Variants in PGAM5 observed in about 807,000 individuals in gnomAD.
PGAM5 encodes the protein serine/threonine-protein phosphatase PGAM5, mitochondrial.
Under a neutral mutation model 30.6 loss-of-function variants are expected in PGAM5, and 25 were observed. That is an observed-to-expected ratio of 0.82 (90% CI 0.60 to 1.14). PGAM5 has a LOEUF of 1.14. PGAM5 is among the 50% of genes most tolerant of loss of function. PGAM5 has a pLI of 0.00. For synonymous variants in PGAM5, 201 were observed against 179.1 expected, an observed-to-expected ratio of 1.12 and a Z score of -0.98; for missense variants, 384 against 408.5, an observed-to-expected ratio of 0.94 and a Z score of 0.52.
At position 132,719,491 on chromosome 12, in the gene PGAM5, A is replaced by C. The variant is rs114288278; in HGVS notation, c.720-1187A>C. On this transcript the variant is annotated intron_variant, in intron 5 of 5. Transcript: ENST00000498926. ...TGGTGTGGCCTCAGGCTAAGTGAGT[A>C]CCTGTTTGCTGTGAGTCGTTCGTTG... Among the ~76,000 whole-genome samples the C allele has an allele frequency of 7.3e-3, 1,113 of 152,242 alleles. 17 individuals are homozygous for C. The highest frequency in any genetic ancestry group is 0.026 in the African/African-American group (1,066 of 41,540).
intron 5 of PGAM5, among the ~76,000 whole-genome samples, chr12:132,719,942 C>T (rs2043626150): frequency 6.6e-6 from 1 of 152,270 alleles, no homozygotes; most frequent in Admixed American, 6.5e-5. Flanking sequence ...ACCTGTTGCA[C>T]TAACTGGCTG....
chr12:132,716,698 A>G (rs4883607), intron 2 of PGAM5, among the ~76,000 whole-genome samples: 56,093 of 152,108 alleles, frequency 0.37, 12,363 homozygotes, highest in Non-Finnish European at 0.49. Context: ...AGAGAAGGAA[A>G]TGCAGGGTGG....
At chr12:132,715,144 C>G in intron 2 of PGAM5, 108 bp downstream of exon 2, 2 of 1,196,268 alleles carry the variant, frequency 1.7e-6, no homozygotes, top group Non-Finnish European at 1.1e-6. Flanking sequence ...CGCCGACCCC[C>G]TTGGTCAGCT....
chr12:132,715,426 C>G (rs529763985), intron 2 of PGAM5, among the ~76,000 whole-genome samples: 3 of 151,490 alleles, frequency 2.0e-5, no homozygotes, highest in South Asian at 2.1e-4. Flanking sequence ...CAAAAATTAG[C>G]CAGGTGCAGT....
chr12:132,713,481 T>C (rs1375449534), intron 1 of PGAM5, among the ~76,000 whole-genome samples: 1 of 152,180 alleles, frequency 6.6e-6, no homozygotes, highest in Middle Eastern at 3.2e-3. Flanking sequence ...TTTCTCTGGC[T>C]CAGCCTGACT....
In PGAM5 at chr12:132,722,724, T is replaced by C. The variant is rs2043658770; in HGVS notation, c.*1896T>C. 2 of 152,270 alleles carry C rather than the reference T, an allele frequency of 1.3e-5. No homozygotes were observed. The highest frequency in any genetic ancestry group is 2.9e-5 in the Non-Finnish European group (2 of 68,018). 9.4% of individuals were successfully genotyped at this position (152,270 alleles called of 1,614,324 possible). A position where few individuals can be genotyped will look rare whatever the true frequency, so the allele number is the denominator to read the frequency against. On this transcript the variant is annotated 3_prime_UTR_variant, in exon 6 of 6. Coordinates refer to ENST00000498926, the MANE Select transcript of PGAM5 (RefSeq NM_001170543.2). The stretch of plus-strand genomic sequence containing the variant: ...TTGCATAATAAATAAAATTTTACTG[T>C]TTTTTTAAAAGGACTAGTTGTGAGT...
At position 132,720,855 on chromosome 12, in the gene PGAM5, C is replaced by A; in HGVS notation, c.*27C>A. The A allele has an allele frequency of 6.5e-7, 1 of 1,530,724 alleles. No homozygotes were observed. The highest frequency in any genetic ancestry group is 8.7e-7 in the Non-Finnish European group (1 of 1,143,128). The allele number at this position is 1,530,724 out of a possible 1,614,324, so 94.8% of individuals were successfully genotyped here. ...GGCTCCGGCCTCTCCTTCCCTCTGT[C>A]CTCCCTGCACAGGCCGCACACACTT... On this transcript the variant is annotated 3_prime_UTR_variant, in exon 6 of 6. Transcript: ENST00000498926.
At chr12:132,718,209 C>T (rs2043603025) in intron 5 of PGAM5, 89 bp downstream of exon 5, 2 of 1,530,090 alleles carry the variant, frequency 1.3e-6, no homozygotes, top group Non-Finnish European at 8.8e-7. Context: ...CCCTCCTCCA[C>T]TGCCGATGCC....
Position 132,710,992 on chromosome 12 carries a change from C to G in PGAM5, c.116C>G (p.Pro39Arg), listed in dbSNP as rs1593114984. 8.3e-7 allele frequency: 1 copy of G among 1,203,076 alleles called. No individual in the cohort carries two copies. The highest frequency in any genetic ancestry group is 1.0e-6 in the Non-Finnish European group (1 of 969,974). 74.5% of individuals were successfully genotyped at this position (1,203,076 alleles called of 1,614,324 possible). The change falls in exon 1 of 6, where the codon CCA becomes CGA. Residue 39 changes from proline (P) to arginine (R), a missense_variant. Pro to Arg is a moderately radical substitution (Grantham distance 103, BLOSUM62 -2). Coordinates refer to ENST00000498926, the MANE Select transcript of PGAM5 (RefSeq NM_001170543.2). ...CCGCGCGCAGGCGGGGACGCGGAGC[C>G]ACGCCCGGCTGAGCCGCCGGCCTGG... The part of the protein sequence containing the change: ...GKPRAGGDAE[P>R]RPAEPPAWAG...
intron 4 of PGAM5, 31 bp from the exon 5 acceptor site, chr12:132,717,956 C>T (rs1187916407): frequency 6.2e-7 from 1 of 1,612,016 alleles, no homozygotes; most frequent in South Asian, 1.1e-5. Context: ...CCGAGCACTT[C>T]CGCACTGACG....
In PGAM5 at chr12:132,720,848, CCT is replaced by C. The variant is rs554912414; in HGVS notation, c.*23_*24del. On this transcript the variant is annotated 3_prime_UTR_variant, in exon 6 of 6. Transcript: ENST00000498926. ...TCCTGAGGGCTCCGGCCTCTCCTTC[CCT>C]CTGTCCTCCCTGCACAGGCCGCACA... 7.4e-5 allele frequency: 113 copies of C among 1,534,498 alleles called. No individual in the cohort carries two copies. In the African/African-American group the frequency reaches 1.5e-3, roughly 20 times the overall value.
At position 132,711,340 on chromosome 12, in the gene PGAM5, G is replaced by A. The variant is rs1422765109; in HGVS notation, c.191+273G>A. The stretch of plus-strand genomic sequence containing the variant: ...CGAGTCCGCCCTGGGTGCCATCGCC[G>A]GAGCGCGGGCCGGGGCGAGGCTGAG... On this transcript the variant is annotated intron_variant, in intron 1 of 5. Transcript: ENST00000498926. 3 of 246,712 alleles carry A rather than the reference G, an allele frequency of 1.2e-5. No homozygotes were observed. In the South Asian group the frequency reaches 5.2e-4, roughly 43 times the overall value. 15.3% of individuals were successfully genotyped at this position (246,712 alleles called of 1,614,324 possible).
At chr12:132,718,190 C>T (rs1357262664) in intron 5 of PGAM5, 70 bp downstream of exon 5, 14 of 1,581,036 alleles carry the variant, frequency 8.9e-6, no homozygotes, top group South Asian at 4.6e-5. Context: ...AGGAAGAAGC[C>T]GAGCGAGACC....
chr12:132,714,744 T>C (rs2043555259), intron 1 of PGAM5, 114 bp from the exon 2 acceptor site: 6 of 1,238,904 alleles, frequency 4.8e-6, no homozygotes, highest in Non-Finnish European at 6.8e-6. Flanking sequence ...AAGGGCCTTG[T>C]CTTCTCTCCA....
At position 132,721,832 on chromosome 12, in the gene PGAM5, A is replaced by G. The variant is rs1451471774; in HGVS notation, c.*1004A>G. On this transcript the variant is annotated 3_prime_UTR_variant, in exon 6 of 6. Coordinates refer to ENST00000498926, the MANE Select transcript of PGAM5 (RefSeq NM_001170543.2). ...TGTTCAGGCTGGTCTCGAACTCCCA[A>G]CCTCAGGTGATTCACCCACCTTGGC... is the stretch of plus-strand genomic sequence containing the variant. 7 of 152,158 alleles carry G rather than the reference A, an allele frequency of 4.6e-5. No individual in the cohort carries two copies. Among genetic ancestry groups the G allele is most frequent in the Non-Finnish European group, 8.8e-5 (6 of 68,026 alleles). 9.4% of individuals were successfully genotyped at this position (152,158 alleles called of 1,614,324 possible). A position where few individuals can be genotyped will look rare whatever the true frequency, so the allele number is the denominator to read the frequency against.
At chr12:132,720,166 A>C (rs993219065) in intron 5 of PGAM5, among the ~76,000 whole-genome samples, 1 of 96,644 alleles carries the variant, frequency 1.0e-5, no homozygotes, top group African/African-American at 3.4e-5. Context: ...GACTGAAGAC[A>C]GGAGCGGCTC....
chr12:132,710,928 T>C lies in PGAM5; in HGVS notation c.52T>C (p.Ser18Pro). 2 of 1,160,816 alleles carry C rather than the reference T, an allele frequency of 1.7e-6. No homozygotes were observed. Among genetic ancestry groups the C allele is most frequent in the Non-Finnish European group, 2.1e-6 (2 of 943,664 alleles). 71.9% of individuals were successfully genotyped at this position (1,160,816 alleles called of 1,614,324 possible). A position where few individuals can be genotyped will look rare whatever the true frequency, so the allele number is the denominator to read the frequency against. ...QLAACGLAGG[S>P]AAVLFSAVAV... ...GGCGGCCTGCGGGCTGGCCGGGGGC[T>C]CGGCCGCCGTGCTCTTCTCGGCCGT... Residue 18 changes from serine to proline, a missense_variant, in exon 1 of 6, where the codon TCG becomes CCG. Transcript: ENST00000498926.
chr12:132,717,861 T>C, intron 4 of PGAM5, 63 bp downstream of exon 4: 1 of 1,589,976 alleles, frequency 6.3e-7, no homozygotes, highest in Non-Finnish European at 8.6e-7. Context: ...GCGGCCCTGC[T>C]GGGCTCACCA....
intron 5 of PGAM5, chr12:132,718,899 A>G: frequency 6.3e-7 from 1 of 1,598,980 alleles, no homozygotes; most frequent in Non-Finnish European, 8.5e-7. Context: ...TCGAGGCCAC[A>G]GCTGAGTCAC....
Sources: allele counts gnomAD v4.1 joint callset (sites outside exome capture counted in the v4.1 genomes callset), GRCh38; gene constraint gnomAD v4.1.1; transcripts MANE v1.5; gene names NCBI Gene and HGNC (gene_info 2026-07-23, HGNC 2026-07-21).